Variants in CAST observed in about 807,000 individuals in gnomAD.
CAST encodes the protein MIR583 host.
CAST carries 76 observed loss-of-function variants against 119.6 expected under a neutral mutation model. The ratio of observed to expected loss-of-function variants is 0.64; its 90% CI spans 0.53 to 0.77. CAST has a LOEUF of 0.77. CAST is among the 30% of genes least tolerant of loss of function. CAST has a pLI of 0.00. For missense variants in CAST, 953 were observed against 946.5 expected (o/e 1.01, Z -0.09); for synonymous variants, 319 against 331.6 (o/e 0.96, Z 0.41).
At chr5:96,491,019 TATAATC>T in the CAST span, among the ~76,000 whole-genome samples, 1 of 152,018 alleles carries the variant, frequency 6.6e-6, no homozygotes, top group African/African-American at 2.4e-5. Context: ...ATATAACTCT[TATAATC>T]AATAAGGAAA....
chr5:96,381,040 C>T, the CAST span, among the ~76,000 whole-genome samples: 2 of 152,118 alleles, frequency 1.3e-5, no homozygotes. Context: ...CTTCCTTTTT[C>T]AGCCATATCT....
the CAST span, among the ~76,000 whole-genome samples, chr5:96,400,826 G>T: frequency 1.3e-5 from 2 of 149,824 alleles, no homozygotes; most frequent in Non-Finnish European, 3.0e-5. Flanking sequence ...GGTGGCTCAC[G>T]CCTGTAATCC....
the CAST span, among the ~76,000 whole-genome samples, chr5:96,364,245 T>C: frequency 1.3e-5 from 2 of 152,228 alleles, no homozygotes; most frequent in Admixed American, 1.3e-4. Flanking sequence ...CAGTATTTTA[T>C]TGAGGATTTT....
the CAST span, among the ~76,000 whole-genome samples, chr5:96,089,125 T>G: frequency 1.3e-5 from 2 of 151,690 alleles, no homozygotes; most frequent in Admixed American, 1.3e-4. Flanking sequence ...ATAAATAAAT[T>G]TCCCCTCTTC....
rs1424403411 is a variant in CAST, at chr5:96,634,055, G to C, written c.61-41484G>C. 3.9e-5 allele frequency among the ~76,000 whole-genome samples: 6 copies of C among 152,130 alleles called. No homozygotes were observed. In the East Asian group the frequency reaches 1.2e-3, roughly 29 times the overall value. ...ATGTCTCTGGGTTCAGTCTAGCCTA[G>C]TATAAATTCTTTGAGAAAAACCGAG... is the stretch of plus-strand genomic sequence containing the variant. On this transcript the variant is annotated intron_variant, in intron 1 of 11. Coordinates refer to the CAST transcript ENST00000505143.
intron 2 of CAST, among the ~76,000 whole-genome samples, chr5:96,678,380 TG>T (rs1210433243): frequency 6.6e-6 from 1 of 152,226 alleles, no homozygotes; most frequent in East Asian, 1.9e-4. Flanking sequence ...AAAATCAGTT[TG>T]AAAATTTGCT....
intron 9 of CAST, among the ~76,000 whole-genome samples, chr5:96,734,115 G>A (rs995763773): frequency 1.3e-5 from 2 of 152,238 alleles, no homozygotes; most frequent in Non-Finnish European, 2.9e-5. Flanking sequence ...AGGCATGGAA[G>A]GATAGCTGGG....
At chr5:96,259,546 T>C in the CAST span, among the ~76,000 whole-genome samples, 1 of 152,168 alleles carries the variant, frequency 6.6e-6, no homozygotes. Context: ...GAAGCCATAG[T>C]TTTTGGAAGA....
At chr5:96,370,536 A>C in the CAST span, among the ~76,000 whole-genome samples, 2 of 152,140 alleles carry the variant, frequency 1.3e-5, no homozygotes, top group Non-Finnish European at 2.9e-5. Flanking sequence ...TTCACCCCCC[A>C]CAACTGCATC....
the CAST span, among the ~76,000 whole-genome samples, chr5:96,339,693 G>A: frequency 6.6e-6 from 1 of 152,202 alleles, no homozygotes; most frequent in South Asian, 2.1e-4. Context: ...AAATGCAAGT[G>A]TATCCATACC....
chr5:96,540,917 C>G (rs1177067649), intron 1 of CAST, among the ~76,000 whole-genome samples: 2 of 152,134 alleles, frequency 1.3e-5, no homozygotes, highest in East Asian at 3.9e-4. Flanking sequence ...ATACTATCAA[C>G]AAGATTGATC....
At chr5:96,016,819 G>T in the CAST span, among the ~76,000 whole-genome samples, 1 of 146,452 alleles carries the variant, frequency 6.8e-6, no homozygotes, top group East Asian at 2.0e-4. Context: ...ATGGTGATTT[G>T]GTTATCTGGG....
chr5:96,599,972 A>AAAAAAAG (rs1561426795), intron 1 of CAST, among the ~76,000 whole-genome samples: 1 of 142,486 alleles, frequency 7.0e-6, no homozygotes, highest in Non-Finnish European at 1.5e-5. Context: ...TAGGCAAAAA[A>AAAAAAAG]AAAAAAAAAA....
intron 1 of CAST, among the ~76,000 whole-genome samples, chr5:96,618,394 C>T (rs576091611): frequency 3.9e-5 from 6 of 152,364 alleles, no homozygotes; most frequent in South Asian, 2.1e-4. Context: ...TCCTCGGCCT[C>T]GGTGTCCACT....
At chr5:96,406,564 G>A in the CAST span, among the ~76,000 whole-genome samples, 1 of 152,130 alleles carries the variant, frequency 6.6e-6, no homozygotes, top group Non-Finnish European at 1.5e-5. Context: ...TCACAGCCGA[G>A]ATACCCAGGA....
the CAST span, among the ~76,000 whole-genome samples, chr5:96,109,119 C>A: frequency 1.3e-5 from 2 of 152,248 alleles, no homozygotes; most frequent in African/African-American, 2.4e-5. Context: ...CCTGCGCCCA[C>A]TGTCTGGCAC....
the CAST span, among the ~76,000 whole-genome samples, chr5:96,094,301 G>A: frequency 1.3e-5 from 2 of 152,168 alleles, no homozygotes; most frequent in African/African-American, 4.8e-5. Flanking sequence ...TGAGAGAGTG[G>A]CATTAGAAAT....
the CAST span, among the ~76,000 whole-genome samples, chr5:96,278,408 G>C: frequency 6.6e-6 from 1 of 152,128 alleles, no homozygotes; most frequent in South Asian, 2.1e-4. Flanking sequence ...ACCATGCCTA[G>C]GTAATCTTCA....
At chr5:96,406,478 C>G in the CAST span, among the ~76,000 whole-genome samples, 1 of 152,316 alleles carries the variant, frequency 6.6e-6, no homozygotes, top group South Asian at 2.1e-4. Flanking sequence ...TACCAAACAT[C>G]TTGCCAGCCC....
Sources: allele counts gnomAD v4.1 joint callset (sites outside exome capture counted in the v4.1 genomes callset), GRCh38; gene constraint gnomAD v4.1.1; transcripts MANE v1.5; gene names NCBI Gene and HGNC (gene_info 2026-07-23, HGNC 2026-07-21).